The following SLC6A15 variants were observed in gnomAD, a reference collection of about 807,000 sequenced individuals.
SLC6A15 encodes the protein sodium-dependent neutral amino acid transporter B(0)AT2.
In SLC6A15, 33 loss-of-function variants were observed where a neutral mutation model predicts 68.5. The observed-to-expected ratio is 0.48, with a 90% CI of 0.37 to 0.64. The LOEUF (loss-of-function observed/expected upper bound fraction) is 0.64, where lower values mean the gene tolerates loss of function less well. Among genes scored for constraint, SLC6A15 ranks in the 30% least tolerant of loss-of-function variants. The pLI, the probability that SLC6A15 is intolerant of heterozygous loss-of-function variation, is 0.00. For synonymous variants in SLC6A15, 347 were observed against 301.0 expected (o/e 1.15, Z -1.58); for missense variants, 747 against 874.3 (o/e 0.85, Z 1.84).
At position 84,900,591 on chromosome 12, in the gene SLC6A15, G is replaced by A. The variant is rs574739738; in HGVS notation, c.-188-8283C>T. ...ATGTTAATTGGACATTGTTTTCATA[G>A]ATCCCTTTATTAGTTTAGAGAAGTT... On this transcript the variant is annotated intron_variant, in intron 1 of 11. Transcript: ENST00000266682. 2.6e-5 allele frequency among the ~76,000 whole-genome samples: 4 copies of A among 151,354 alleles called. No homozygotes were observed. In the East Asian group the frequency reaches 7.8e-4, roughly 30 times the overall value.
chr12:84,892,267 CT>C lies in SLC6A15; in HGVS notation c.-148del, dbSNP rs1872442379. On this transcript the variant is annotated 5_prime_UTR_variant, in exon 2 of 12. Transcript: ENST00000266682. ...AATCCTTGATTCAAGGTGATAAAGC[CT>C]TATGGATTCTGAATCCGTATGTCCA... 1.4e-6 allele frequency: 1 copy of C among 704,252 alleles called. No homozygotes were observed. Among genetic ancestry groups the C allele is most frequent in the Non-Finnish European group, 2.3e-6 (1 of 443,874 alleles). The allele number at this position is 704,252 out of a possible 1,614,324, so 43.6% of individuals were successfully genotyped here.
Position 84,861,518 on chromosome 12 carries a change from G to C in SLC6A15, c.*114C>G. ...TATACTGTTAGGATTAAAGATCACA[G>C]CCACGGAACACCTGAGATTGCCCTC... On this transcript the variant is annotated 3_prime_UTR_variant, in exon 12 of 12. Transcript: ENST00000266682. The C allele has an allele frequency of 8.3e-7, 1 of 1,205,998 alleles. No homozygotes were observed. The allele number at this position is 1,205,998 out of a possible 1,614,324, so 74.7% of individuals were successfully genotyped here.
intron 1 of SLC6A15, among the ~76,000 whole-genome samples, chr12:84,911,235 T>C (rs1873444986): frequency 6.6e-6 from 1 of 152,138 alleles, no homozygotes; most frequent in South Asian, 2.1e-4. Context: ...TTTTACAGCA[T>C]GGGCGATGAG....
Position 84,890,271 on chromosome 12 carries a change from C to T in SLC6A15, c.289+1561G>A, listed in dbSNP as rs145481913. On this transcript the variant is annotated intron_variant, in intron 2 of 11. Transcript: ENST00000266682. ...AAGGAGGAGCCATTTGTGCTAAGAA[C>T]CAATTACTACATATAAAATCTTTTA... 6.4e-3 allele frequency among the ~76,000 whole-genome samples: 967 copies of T among 152,204 alleles called. 4 individuals carry two copies. The highest frequency in any genetic ancestry group is 0.018 in the African/African-American group (768 of 41,522).
At chr12:84,873,663 C>CT (rs1871389314) in intron 6 of SLC6A15, among the ~76,000 whole-genome samples, 1 of 152,056 alleles carries the variant, frequency 6.6e-6, no homozygotes, top group South Asian at 2.1e-4. Flanking sequence ...CCCATTATGT[C>CT]TTTTTTTCTT....
At chr12:84,875,380 T>C (rs1179470972) in intron 6 of SLC6A15, among the ~76,000 whole-genome samples, 1 of 151,748 alleles carries the variant, frequency 6.6e-6, no homozygotes, top group Non-Finnish European at 1.5e-5. Flanking sequence ...AGTGTCAGCA[T>C]TTTTGCTACT....
chr12:84,902,829 T>G (rs551738276), intron 1 of SLC6A15, among the ~76,000 whole-genome samples: 1 of 152,234 alleles, frequency 6.6e-6, no homozygotes, highest in African/African-American at 2.4e-5. Flanking sequence ...ATATTCATGG[T>G]TTGAAGAGTT....
At chr12:84,911,852 G>C (rs1873480872) in intron 1 of SLC6A15, 1 of 152,346 alleles carries the variant, frequency 6.6e-6, no homozygotes, top group South Asian at 2.1e-4. Context: ...AGGATGCGCA[G>C]AAACACAGGA....
intron 5 of SLC6A15, chr12:84,882,928 A>G (rs1186454919): frequency 9.3e-6 from 7 of 750,810 alleles, no homozygotes; most frequent in Non-Finnish European, 1.1e-5. Flanking sequence ...TATTATTGTT[A>G]TTATGACTAC....
chr12:84,879,410 C>A (rs1359034719), intron 5 of SLC6A15, among the ~76,000 whole-genome samples: 2 of 151,790 alleles, frequency 1.3e-5, no homozygotes, highest in Non-Finnish European at 2.9e-5. Context: ...ACTGCAACCA[C>A]TGCTTCCCGG....
At chr12:84,896,631 T>C (rs903570805) in intron 1 of SLC6A15, among the ~76,000 whole-genome samples, 1 of 152,100 alleles carries the variant, frequency 6.6e-6, no homozygotes, top group South Asian at 2.1e-4. Context: ...AATTTCCCTA[T>C]TGAAAATGCG....
At chr12:84,910,924 T>TCTCTCTCTCTCTCTCTCTCTCTC (rs1873406258) in intron 1 of SLC6A15, among the ~76,000 whole-genome samples, 1 of 134,602 alleles carries the variant, frequency 7.4e-6, no homozygotes, top group Admixed American at 7.0e-5. Context: ...AGCCGCCCTC[T>TCTCTCTCTCTCTCTCTCTCTCTC]TTCCGTGTGT....
Position 84,885,857 on chromosome 12 carries a change from T to A in SLC6A15, c.447+54A>T, listed in dbSNP as rs549216748. 56 of 1,483,694 alleles carry A rather than the reference T, an allele frequency of 3.8e-5. No homozygotes were observed. The African/African-American group carries it at 7.6e-4, about 20-fold the overall frequency. The allele number at this position is 1,483,694 out of a possible 1,614,324, so 91.9% of individuals were successfully genotyped here. A position where few individuals can be genotyped will look rare whatever the true frequency, so the allele number is the denominator to read the frequency against. On this transcript the variant is annotated intron_variant, in intron 3 of 11. Transcript: ENST00000266682. Reference sequence around the variant, plus strand: ...CAAAGTTTCATTTAAATGTTAATTATATAATTTGAAACCCTATAAAGATTA... The same window carrying A: ...CAAAGTTTCATTTAAATGTTAATTAAATAATTTGAAACCCTATAAAGATTA...
intron 1 of SLC6A15, among the ~76,000 whole-genome samples, chr12:84,908,601 C>CATACAT (rs1220859069): frequency 9.3e-5 from 13 of 140,512 alleles, no homozygotes; most frequent in Admixed American, 8.0e-4. Context: ...AGTAAAGAAA[C>CATACAT]ATATATATAT....
chr12:84,897,554 T>C (rs918230553), intron 1 of SLC6A15, among the ~76,000 whole-genome samples: 5 of 151,992 alleles, frequency 3.3e-5, no homozygotes, highest in African/African-American at 1.2e-4. Flanking sequence ...TTCCTAGGGA[T>C]TTCAAGCAGA....
chr12:84,862,307 T>C (rs1388970373), intron 11 of SLC6A15, among the ~76,000 whole-genome samples: 4 of 152,196 alleles, frequency 2.6e-5, no homozygotes, highest in Non-Finnish European at 5.9e-5. Context: ...CTGCTTGAGT[T>C]AGCCCAGGCA....
In SLC6A15 at chr12:84,877,116, T is replaced by C. The variant is rs529593495; in HGVS notation, c.757-509A>G. Among the ~76,000 whole-genome samples, 381 of 152,312 alleles carry C rather than the reference T, an allele frequency of 2.5e-3. 4 individuals carry two copies. The highest frequency in any genetic ancestry group is 5.0e-3 in the South Asian group (24 of 4,832). Reference sequence around the variant, plus strand: ...AGATTTTACTTTCCGCTTCAGCAATTTTCACTGTTAAACAGTTCAGCAAAT... The same window carrying C: ...AGATTTTACTTTCCGCTTCAGCAATCTTCACTGTTAAACAGTTCAGCAAAT... On this transcript the variant is annotated intron_variant, in intron 5 of 11. Transcript: ENST00000266682.
At chr12:84,892,919 A>C (rs972052259) in intron 1 of SLC6A15, among the ~76,000 whole-genome samples, 2 of 152,170 alleles carry the variant, frequency 1.3e-5, no homozygotes, top group African/African-American at 4.8e-5. Flanking sequence ...TCCCAGAAGT[A>C]GCTGGGACTA....
chr12:84,901,576 T>G (rs1872882648), intron 1 of SLC6A15, among the ~76,000 whole-genome samples: 1 of 151,844 alleles, frequency 6.6e-6, no homozygotes, highest in African/African-American at 2.4e-5. Flanking sequence ...CTTCAAAATT[T>G]TCTACCTTCC....
Sources: gnomAD v4.1 joint callset for allele counts (sites outside exome capture counted in the v4.1 genomes callset) on GRCh38, gnomAD v4.1.1 for gene constraint, MANE v1.5 for transcripts, NCBI Gene and HGNC (gene_info 2026-07-23, HGNC 2026-07-21) for gene names.